The following MYRIP variants were observed in gnomAD, a reference collection of about 807,000 sequenced individuals.
MYRIP encodes myosin VIIA and Rab interacting protein.
Under a neutral mutation model 98.0 loss-of-function variants are expected in MYRIP, and 49 were observed. The ratio of observed to expected loss-of-function variants is 0.50; its 90% CI spans 0.40 to 0.63. The LOEUF is 0.63. Among genes scored for constraint, MYRIP ranks in the 30% least tolerant of loss-of-function variants. The pLI is 0.00. For missense variants in MYRIP, 1,004 were observed against 1,058.2 expected (o/e 0.95, Z 0.71); for synonymous variants, 404 against 409.5 (o/e 0.99, Z 0.16).
At chr3:39,827,956 C>T (rs544977677) in intron 1 of MYRIP, among the ~76,000 whole-genome samples, 1 of 152,140 alleles carries the variant, frequency 6.6e-6, no homozygotes, top group South Asian at 2.1e-4. Flanking sequence ...GAAGTCTACT[C>T]TTAGTCTCAT....
chr3:39,916,584 G>A (rs1470763774), intron 2 of MYRIP, among the ~76,000 whole-genome samples: 1 of 152,056 alleles, frequency 6.6e-6, no homozygotes, highest in Non-Finnish European at 1.5e-5. Flanking sequence ...CACCTTGGCT[G>A]TGTGATACCA....
intron 2 of MYRIP, among the ~76,000 whole-genome samples, chr3:39,941,850 T>A (rs1339639448): frequency 1.3e-5 from 2 of 152,142 alleles, no homozygotes; most frequent in African/African-American, 4.8e-5. Context: ...TAAAATTTAT[T>A]TCTAAAAGTA....
intron 4 of MYRIP, among the ~76,000 whole-genome samples, chr3:40,161,259 A>G (rs901982384): frequency 5.9e-5 from 9 of 152,158 alleles, no homozygotes; most frequent in East Asian, 1.9e-4. Context: ...AATGACACCA[A>G]TGCTCCCACC....
At chr3:40,143,186 C>A (rs1289711770) in intron 3 of MYRIP, among the ~76,000 whole-genome samples, 2 of 152,106 alleles carry the variant, frequency 1.3e-5, no homozygotes, top group East Asian at 3.9e-4. Context: ...CATAGTGGGC[C>A]CTCAATACAT....
At chr3:39,851,895 C>G (rs916806241) in intron 1 of MYRIP, among the ~76,000 whole-genome samples, 7 of 152,056 alleles carry the variant, frequency 4.6e-5, no homozygotes, top group Non-Finnish European at 4.4e-5. Flanking sequence ...CTCTGCACAG[C>G]TAGACTGGAG....
At chr3:40,107,663 A>C (rs1949075150) in intron 3 of MYRIP, among the ~76,000 whole-genome samples, 1 of 152,176 alleles carries the variant, frequency 6.6e-6, no homozygotes, top group South Asian at 2.1e-4. Context: ...AATTATAGGT[A>C]TCCCTGAACA....
intron 12 of MYRIP, among the ~76,000 whole-genome samples, chr3:40,238,033 C>G (rs915892449): frequency 1.3e-5 from 2 of 152,196 alleles, no homozygotes; most frequent in African/African-American, 4.8e-5. Flanking sequence ...CACTTACAGA[C>G]TGAAGATGTC....
upstream of MYRIP, among the ~76,000 whole-genome samples, chr3:39,809,333 G>C (rs906179951): frequency 6.6e-6 from 1 of 150,970 alleles, no homozygotes; most frequent in African/African-American, 2.4e-5. Flanking sequence ...AGAGCCCCGG[G>C]AGGGGCGCGG....
At chr3:39,851,052 C>G (rs1243357903) in intron 1 of MYRIP, among the ~76,000 whole-genome samples, 1 of 152,214 alleles carries the variant, frequency 6.6e-6, no homozygotes, top group Non-Finnish European at 1.5e-5. Flanking sequence ...GCAGGCATCT[C>G]TCTAATATCA....
chr3:40,202,351 G>T (rs934264600), intron 10 of MYRIP, among the ~76,000 whole-genome samples: 6 of 151,984 alleles, frequency 3.9e-5, no homozygotes, highest in Admixed American at 6.6e-5. Context: ...TCTCAGACTG[G>T]GGTTGCTTTT....
intron 3 of MYRIP, among the ~76,000 whole-genome samples, chr3:40,125,110 A>G (rs1019664224): frequency 2.0e-5 from 3 of 152,206 alleles, no homozygotes; most frequent in African/African-American, 7.2e-5. Flanking sequence ...ACTCATACCC[A>G]TGGTACATGT....
intron 8 of MYRIP, among the ~76,000 whole-genome samples, chr3:40,180,010 G>T (rs139672717): frequency 6.6e-6 from 1 of 152,114 alleles, no homozygotes; most frequent in Non-Finnish European, 1.5e-5. Context: ...TAGCAGAATC[G>T]CAGAATGGCT....
At chr3:40,115,712 C>T (rs541559998) in intron 3 of MYRIP, among the ~76,000 whole-genome samples, 26 of 151,946 alleles carry the variant, frequency 1.7e-4, no homozygotes, top group African/African-American at 6.0e-4. Context: ...GAAGAGAAAC[C>T]TGAGATTTAC....
intron 2 of MYRIP, among the ~76,000 whole-genome samples, chr3:40,026,391 C>T (rs956141475): frequency 5.3e-5 from 8 of 151,984 alleles, no homozygotes; most frequent in Admixed American, 5.2e-4. Flanking sequence ...ACATGTTTTA[C>T]AATCAGATTT....
intron 2 of MYRIP, among the ~76,000 whole-genome samples, chr3:39,917,647 T>C (rs4257487): frequency 0.44 from 66,504 of 151,032 alleles, 14,853 homozygotes; most frequent in East Asian, 0.54. Flanking sequence ...TAGACCTCCT[T>C]CCCTTCAAAT....
intron 1 of MYRIP, among the ~76,000 whole-genome samples, chr3:39,856,102 C>T (rs1266892660): frequency 6.6e-6 from 1 of 152,218 alleles, no homozygotes; most frequent in East Asian, 1.9e-4. Context: ...TTTGGATTTT[C>T]AGATTCCCCA....
At chr3:40,203,997 AT>A (rs1951680957) in intron 10 of MYRIP, among the ~76,000 whole-genome samples, 1 of 1,150 alleles carries the variant, frequency 8.7e-4, no homozygotes, top group African/African-American at 2.0e-3. Context: ...TATATTATAT[AT>A]ATTATATATT....
At chr3:39,852,169 C>T (rs1575305683) in intron 1 of MYRIP, among the ~76,000 whole-genome samples, 1 of 152,136 alleles carries the variant, frequency 6.6e-6, no homozygotes, top group East Asian at 1.9e-4. Context: ...GGTCAGTGAT[C>T]CCACCCAAAC....
intron 2 of MYRIP, among the ~76,000 whole-genome samples, chr3:39,910,956 T>G (rs1420563153): frequency 6.6e-6 from 1 of 152,198 alleles, no homozygotes; most frequent in Non-Finnish European, 1.5e-5. Context: ...TGCTATCAAA[T>G]ATTGTTGTCT....
Sources: gnomAD v4.1 joint callset for allele counts (sites outside exome capture counted in the v4.1 genomes callset) on GRCh38, gnomAD v4.1.1 for gene constraint, MANE v1.5 for transcripts, NCBI Gene and HGNC (gene_info 2026-07-23, HGNC 2026-07-21) for gene names.